Variants in TSNARE1 observed in about 807,000 individuals in gnomAD.
TSNARE1 encodes the protein t-SNARE domain-containing protein 1.
Under a neutral mutation model 62.0 loss-of-function variants are expected in TSNARE1, and 49 were observed. The observed-to-expected ratio is 0.79, with a 90% CI of 0.63 to 1.00. TSNARE1 has a LOEUF of 1.00. TSNARE1 is among the 50% of genes least tolerant of loss of function. The pLI is 0.00. For synonymous variants in TSNARE1, 328 were observed against 294.4 expected (o/e 1.11, Z -1.17); for missense variants, 755 against 700.1 (o/e 1.08, Z -0.88).
intron 10 of TSNARE1, among the ~76,000 whole-genome samples, chr8:142,286,425 C>T (rs1223466446): frequency 2.0e-5 from 3 of 152,224 alleles, no homozygotes; most frequent in Non-Finnish European, 2.9e-5. Flanking sequence ...CACGTAGTAT[C>T]AATTGCAATT....
intron 9 of TSNARE1, among the ~76,000 whole-genome samples, chr8:142,308,319 G>C (rs1057412437): frequency 1.3e-5 from 2 of 152,178 alleles, no homozygotes; most frequent in African/African-American, 4.8e-5. Flanking sequence ...GTGCCTTCTG[G>C]ATGTGCTACT....
chr8:142,333,031 C>T (rs1048895922), intron 4 of TSNARE1, among the ~76,000 whole-genome samples: 1 of 152,200 alleles, frequency 6.6e-6, no homozygotes, highest in East Asian at 1.9e-4. Flanking sequence ...GAAACCAGAG[C>T]GAACGGGGCG....
At chr8:142,274,544 A>G in intron 12 of TSNARE1, 1 of 985,330 alleles carries the variant, frequency 1.0e-6, no homozygotes, top group Non-Finnish European at 1.2e-6. Context: ...CGTGGTGCAT[A>G]CAAGAGAGGA....
chr8:142,261,645 C>G (rs1368988460), intron 12 of TSNARE1, among the ~76,000 whole-genome samples: 1 of 152,068 alleles, frequency 6.6e-6, no homozygotes, highest in African/African-American at 2.4e-5. Flanking sequence ...CTCCTTGCTC[C>G]TCATCCTGGC....
At chr8:142,227,028 TGCACCCACACAGCAGTGAC>T (rs1340042093) in intron 13 of TSNARE1, among the ~76,000 whole-genome samples, 16 of 127,868 alleles carry the variant, frequency 1.3e-4, no homozygotes, top group African/African-American at 5.8e-4. Flanking sequence ...AGCCCCCCAC[TGCACCCACACAGCAGTGAC>T]AGCCAGGCCC....
chr8:142,280,131 C>T lies in TSNARE1; in HGVS notation c.1363+4282G>A, dbSNP rs531822050. On this transcript the variant is annotated intron_variant, in intron 11 of 13. Transcript: ENST00000524325. ...TGCCCCGCAGCGCCCCGAACAGCAG[C>T]GGGTAGTGGCGCCGCACCCTCTGCA... The T allele has an allele frequency of 1.1e-5, 12 of 1,102,256 alleles. No individual in the cohort carries two copies. In the East Asian group the frequency reaches 7.1e-4, roughly 66 times the overall value. The allele number at this position is 1,102,256 out of a possible 1,614,324, so 68.3% of individuals were successfully genotyped here.
At chr8:142,358,786 C>G (rs911728181) in intron 1 of TSNARE1, among the ~76,000 whole-genome samples, 1 of 152,200 alleles carries the variant, frequency 6.6e-6, no homozygotes, top group Non-Finnish European at 1.5e-5. Flanking sequence ...TGCAACCCCC[C>G]CATCGCTGGG....
chr8:142,392,880 C>T (rs1406713118), intron 1 of TSNARE1, among the ~76,000 whole-genome samples: 2 of 150,018 alleles, frequency 1.3e-5, no homozygotes, highest in Middle Eastern at 3.2e-3. Context: ...GTGGAGGTTG[C>T]GGTGAGCCGA....
chr8:142,271,213 C>G (rs1471485829), intron 12 of TSNARE1: 2 of 1,000,242 alleles, frequency 2.0e-6, no homozygotes, highest in Non-Finnish European at 2.4e-6. Flanking sequence ...GACTACCGTC[C>G]TGGAGTGAGG....
chr8:142,391,191 G>A (rs1469477520), intron 1 of TSNARE1, among the ~76,000 whole-genome samples: 1 of 143,016 alleles, frequency 7.0e-6, no homozygotes, highest in East Asian at 2.1e-4. Flanking sequence ...ACACTGCTGG[G>A]GACTCTGTAA....
At chr8:142,286,650 G>A (rs1426774010) in intron 10 of TSNARE1, among the ~76,000 whole-genome samples, 2 of 152,190 alleles carry the variant, frequency 1.3e-5, no homozygotes, top group African/African-American at 4.8e-5. Flanking sequence ...CTGCCAGAGT[G>A]AGGTCACGGG....
At chr8:142,334,645 C>T (rs564180118) in intron 4 of TSNARE1, among the ~76,000 whole-genome samples, 44 of 152,216 alleles carry the variant, frequency 2.9e-4, no homozygotes, top group African/African-American at 9.9e-4. Context: ...ATCCAAGGTA[C>T]ATTATAGGCA....
At chr8:142,321,864 T>A (rs901506248) in intron 6 of TSNARE1, among the ~76,000 whole-genome samples, 15 of 152,190 alleles carry the variant, frequency 9.9e-5, no homozygotes, top group Non-Finnish European at 7.3e-5. Context: ...ATCAATATCA[T>A]GCAATCCCCT....
chr8:142,329,497 G>T (rs1177549279), intron 6 of TSNARE1, among the ~76,000 whole-genome samples: 3 of 152,212 alleles, frequency 2.0e-5, no homozygotes, highest in Non-Finnish European at 4.4e-5. Flanking sequence ...GTGGCACTAA[G>T]ATCTAAGCAC....
chr8:142,261,974 G>A (rs1374691757), intron 12 of TSNARE1, among the ~76,000 whole-genome samples: 1 of 152,200 alleles, frequency 6.6e-6, no homozygotes, highest in African/African-American at 2.4e-5. Flanking sequence ...TCCCACGGCG[G>A]GGCCAGCCTG....
chr8:142,394,571 G>A (rs566460346), intron 1 of TSNARE1, among the ~76,000 whole-genome samples: 10 of 152,288 alleles, frequency 6.6e-5, no homozygotes, highest in African/African-American at 1.9e-4. Flanking sequence ...TTCCCATGGC[G>A]CAGTGTGGGA....
intron 9 of TSNARE1, among the ~76,000 whole-genome samples, chr8:142,308,385 G>A (rs373531316): frequency 6.6e-5 from 10 of 152,158 alleles, no homozygotes; most frequent in African/African-American, 2.4e-4. Context: ...TCTGCACAGG[G>A]TGAGCTGACG....
chr8:142,388,922 A>G (rs1039846514), intron 1 of TSNARE1, among the ~76,000 whole-genome samples: 1 of 152,218 alleles, frequency 6.6e-6, no homozygotes, highest in African/African-American at 2.4e-5. Flanking sequence ...CATATGTGAT[A>G]AATAAAGAAG....
chr8:142,246,871 G>A (rs1035410672), intron 12 of TSNARE1, among the ~76,000 whole-genome samples: 14 of 152,356 alleles, frequency 9.2e-5, no homozygotes, highest in South Asian at 6.2e-4. Context: ...GCACCACCCT[G>A]AGAATGTGCG....
Sources: allele counts gnomAD v4.1 joint callset (sites outside exome capture counted in the v4.1 genomes callset), GRCh38; gene constraint gnomAD v4.1.1; transcripts MANE v1.5; gene names NCBI Gene and HGNC (gene_info 2026-07-23, HGNC 2026-07-21).